Variants in MAGI2 observed in about 807,000 individuals in gnomAD.
MAGI2 encodes membrane-associated guanylate kinase, WW and PDZ domain-containing protein 2.
In MAGI2, 35 loss-of-function variants were observed where a neutral mutation model predicts 133.3. The ratio of observed to expected loss-of-function variants is 0.26; its 90% CI spans 0.20 to 0.35. MAGI2 has a LOEUF of 0.35. MAGI2 is among the 10% of genes least tolerant of loss of function. MAGI2 has a pLI of 1.00. For missense variants in MAGI2, 1,636 were observed against 1,863.4 expected (o/e 0.88, Z 2.25); for synonymous variants, 729 against 710.6 (o/e 1.03, Z -0.41).
At chr7:78,161,730 A>C (rs1047147483) in intron 15 of MAGI2, among the ~76,000 whole-genome samples, 1 of 150,474 alleles carries the variant, frequency 6.6e-6, no homozygotes, top group African/African-American at 2.4e-5. Context: ...TAGATTTTAA[A>C]AAATGGCCTA....
At chr7:78,589,468 TCA>T (rs1361151057) in intron 3 of MAGI2, among the ~76,000 whole-genome samples, 1 of 152,196 alleles carries the variant, frequency 6.6e-6, no homozygotes, top group African/African-American at 2.4e-5. Context: ...ATATTTCCTC[TCA>T]AACAACTGCT....
Position 79,116,720 on chromosome 7 carries a change from C to T in MAGI2, c.302-109514G>A, listed in dbSNP as rs141481771. ...CCTCATGAATGGTTTAGCAACATCA[C>T]CTTGATGATAAATAAGTTCTTGCTC... On this transcript the variant is annotated intron_variant, in intron 1 of 21. Transcript: ENST00000354212. 4.2e-3 allele frequency among the ~76,000 whole-genome samples: 633 copies of T among 152,234 alleles called. 1 individual carries two copies. Among genetic ancestry groups the T allele is most frequent in the Non-Finnish European group, 6.2e-3 (424 of 68,016 alleles).
intron 2 of MAGI2, among the ~76,000 whole-genome samples, chr7:78,734,981 G>T (rs2151235558): frequency 6.6e-6 from 1 of 152,298 alleles, no homozygotes; most frequent in Non-Finnish European, 1.5e-5. Context: ...AAATCTAACT[G>T]ATACATAACT....
intron 2 of MAGI2, among the ~76,000 whole-genome samples, chr7:78,641,914 T>C (rs1810358639): frequency 6.6e-6 from 1 of 152,174 alleles, no homozygotes; most frequent in South Asian, 2.1e-4. Context: ...TCTGTTCCTA[T>C]AAGTGAAGGA....
chr7:79,216,006 G>T (rs141788756), intron 1 of MAGI2, among the ~76,000 whole-genome samples: 2 of 151,786 alleles, frequency 1.3e-5, no homozygotes, highest in Admixed American at 1.3e-4. Context: ...CTGGAAACCC[G>T]CAGCGCTAAA....
intron 2 of MAGI2, among the ~76,000 whole-genome samples, chr7:78,776,225 A>T (rs750877529): frequency 6.6e-6 from 1 of 152,230 alleles, no homozygotes; most frequent in Non-Finnish European, 1.5e-5. Flanking sequence ...ATTTCTATGT[A>T]TCCCTCAATG....
At chr7:78,109,093 A>G (rs1819033841) in intron 20 of MAGI2, among the ~76,000 whole-genome samples, 1 of 151,510 alleles carries the variant, frequency 6.6e-6, no homozygotes, top group Admixed American at 6.6e-5. Context: ...TCACGAGGTC[A>G]GGAGATTGAG....
chr7:78,795,889 G>A (rs1410478653), intron 2 of MAGI2, among the ~76,000 whole-genome samples: 1 of 152,030 alleles, frequency 6.6e-6, no homozygotes, highest in Non-Finnish European at 1.5e-5. Flanking sequence ...AATAGGAAAA[G>A]GACAGACTGT....
At chr7:78,111,948 C>A (rs1003972988) in intron 20 of MAGI2, among the ~76,000 whole-genome samples, 1 of 152,184 alleles carries the variant, frequency 6.6e-6, no homozygotes, top group Non-Finnish European at 1.5e-5. Flanking sequence ...GCAGGGCCCT[C>A]GAAATGATCT....
chr7:79,441,794 T>C (rs995932860), intron 1 of MAGI2, among the ~76,000 whole-genome samples: 1 of 152,160 alleles, frequency 6.6e-6, no homozygotes, highest in African/African-American at 2.4e-5. Flanking sequence ...ACTTGGACTT[T>C]AGCTAAACAC....
At chr7:78,195,450 T>C (rs1212942037) in intron 11 of MAGI2, among the ~76,000 whole-genome samples, 1 of 152,200 alleles carries the variant, frequency 6.6e-6, no homozygotes, top group Non-Finnish European at 1.5e-5. Flanking sequence ...CTAAGATGGT[T>C]TCAACATATT....
intron 2 of MAGI2, among the ~76,000 whole-genome samples, chr7:78,856,140 T>C (rs1793616554): frequency 6.6e-6 from 1 of 152,234 alleles, no homozygotes; most frequent in Non-Finnish European, 1.5e-5. Context: ...TCTTTGTAGA[T>C]TCTGGATATT....
At chr7:78,706,372 C>T (rs894275595) in intron 2 of MAGI2, among the ~76,000 whole-genome samples, 3 of 149,766 alleles carry the variant, frequency 2.0e-5, no homozygotes, top group Non-Finnish European at 3.0e-5. Flanking sequence ...CACCCCCCGC[C>T]ATGATTCCGA....
At chr7:79,279,142 T>C (rs1390034146) in intron 1 of MAGI2, among the ~76,000 whole-genome samples, 2 of 152,182 alleles carry the variant, frequency 1.3e-5, no homozygotes, top group Non-Finnish European at 2.9e-5. Context: ...CCTGCTCTTT[T>C]TGAAGCGTGG....
At chr7:79,253,913 T>C (rs1833502676) in intron 1 of MAGI2, among the ~76,000 whole-genome samples, 1 of 152,174 alleles carries the variant, frequency 6.6e-6, no homozygotes, top group South Asian at 2.1e-4. Flanking sequence ...GATAAGTACC[T>C]TGAAATGAAA....
intron 1 of MAGI2, among the ~76,000 whole-genome samples, chr7:79,245,373 C>A (rs925600635): frequency 6.6e-6 from 1 of 152,208 alleles, no homozygotes; most frequent in Admixed American, 6.5e-5. Flanking sequence ...CATTTCTGAA[C>A]CTGCCATTGG....
chr7:78,534,338 T>C (rs1479814104), intron 3 of MAGI2, among the ~76,000 whole-genome samples: 2 of 152,210 alleles, frequency 1.3e-5, no homozygotes, highest in Non-Finnish European at 2.9e-5. Flanking sequence ...TAAATACAGA[T>C]CTTTAGGAAA....
At chr7:78,235,064 T>C (rs1189668890) in intron 10 of MAGI2, among the ~76,000 whole-genome samples, 2 of 152,134 alleles carry the variant, frequency 1.3e-5, no homozygotes, top group Admixed American at 6.6e-5. Context: ...TAGATTTGAG[T>C]TTTGCTTTTT....
At chr7:78,452,172 C>T (rs1788794955) in intron 6 of MAGI2, among the ~76,000 whole-genome samples, 1 of 151,964 alleles carries the variant, frequency 6.6e-6, no homozygotes, top group African/African-American at 2.4e-5. Flanking sequence ...GTATTATTAT[C>T]CATACTTTAA....
Sources: allele counts gnomAD v4.1 joint callset (sites outside exome capture counted in the v4.1 genomes callset), GRCh38; gene constraint gnomAD v4.1.1; transcripts MANE v1.5; gene names NCBI Gene and HGNC (gene_info 2026-07-23, HGNC 2026-07-21).